The following SGIP1 variants were observed in gnomAD, a reference collection of about 807,000 sequenced individuals.
SGIP1 encodes the protein SH3-containing GRB2-like protein 3-interacting protein 1.
Under a neutral mutation model 107.5 loss-of-function variants are expected in SGIP1, and 38 were observed. The observed-to-expected ratio is 0.35, with a 90% confidence interval of 0.27 to 0.46. SGIP1 has a LOEUF of 0.46. Ranked by LOEUF, SGIP1 falls within the 20% of genes least tolerant of loss-of-function variation. The pLI is 1.00. For synonymous variants in SGIP1, 365 were observed against 366.1 expected (o/e 1.00, Z 0.03); for missense variants, 929 against 1,019.5 (o/e 0.91, Z 1.21).
intron 1 of SGIP1, among the ~76,000 whole-genome samples, chr1:66,557,011 A>G (rs960883581): frequency 1.3e-5 from 2 of 152,098 alleles, no homozygotes; most frequent in East Asian, 1.9e-4. Flanking sequence ...TTGTATTTGT[A>G]CAATGCGCTT....
At chr1:66,560,335 A>G (rs1163711153) in intron 1 of SGIP1, among the ~76,000 whole-genome samples, 1 of 152,018 alleles carries the variant, frequency 6.6e-6, no homozygotes, top group Non-Finnish European at 1.5e-5. Context: ...TTTCAGGCCC[A>G]CCCTCATTAG....
chr1:66,709,403 T>C (rs2150327299), intron 18 of SGIP1, among the ~76,000 whole-genome samples: 1 of 152,196 alleles, frequency 6.6e-6, no homozygotes, highest in African/African-American at 2.4e-5. Context: ...GTCAAGTGAA[T>C]CTAGATTTGA....
chr1:66,699,718 A>G (rs987410152), intron 18 of SGIP1, among the ~76,000 whole-genome samples: 8 of 152,198 alleles, frequency 5.3e-5, no homozygotes, highest in African/African-American at 4.8e-5. Flanking sequence ...GGCACTCCTT[A>G]CTAGTGAACA....
At chr1:66,695,297 T>A (rs2090681957) in intron 17 of SGIP1, 137 bp from the exon 18 acceptor site, 1 of 1,427,334 alleles carries the variant, frequency 7.0e-7, no homozygotes, top group Non-Finnish European at 9.2e-7. Flanking sequence ...CTTCCCTTTT[T>A]CCTGCACGCT....
chr1:66,603,241 G>T (rs374533338), intron 1 of SGIP1, among the ~76,000 whole-genome samples: 1 of 152,086 alleles, frequency 6.6e-6, no homozygotes, highest in African/African-American at 2.4e-5. Context: ...ACTTATTTCA[G>T]TTCTTTCATG....
At chr1:66,547,903 C>A (rs962722228) in intron 1 of SGIP1, among the ~76,000 whole-genome samples, 1 of 152,058 alleles carries the variant, frequency 6.6e-6, no homozygotes, top group African/African-American at 2.4e-5. Context: ...TACCTTGTGA[C>A]CCATGAAGCT....
rs150567462 is a variant in SGIP1 at position 66,695,450 on chromosome 1, C to T, written c.1587C>T (p.Ser529=). 40 of 1,613,914 alleles carry T rather than the reference C, an allele frequency of 2.5e-5. No individual in the cohort carries two copies. The highest frequency in any genetic ancestry group is 3.2e-5 in the Non-Finnish European group (38 of 1,180,000). ...GCCATACAGAGAATGAACAGCCTTC[C>T]CTCGTTTGGTTTGACAGAGGAAAGT... is the stretch of plus-strand genomic sequence containing the variant. ...TTPTVENEQP[S]LVWFDRGKFY... is the part of the protein sequence containing the mutation. Residue 529 remains serine, a synonymous_variant, in exon 18 of 25, where the codon TCC becomes TCT. Transcript: ENST00000371037.
At chr1:66,740,575 A>T in intron 22 of SGIP1, 83 bp from the exon 23 acceptor site, 3 of 828,560 alleles carry the variant, frequency 3.6e-6, no homozygotes, top group East Asian at 5.2e-5. Flanking sequence ...TTAAAAAATT[A>T]ATACTATCTG....
chr1:66,673,517 C>A (rs2084386999), intron 12 of SGIP1, 151 bp downstream of exon 12: 1 of 671,016 alleles, frequency 1.5e-6, no homozygotes, highest in Admixed American at 3.7e-5. Flanking sequence ...CTGTCAAGAA[C>A]AGAAGTTTAG....
intron 1 of SGIP1, among the ~76,000 whole-genome samples, chr1:66,572,821 G>A (rs981143326): frequency 7.9e-5 from 12 of 152,026 alleles, no homozygotes; most frequent in Non-Finnish European, 1.2e-4. Flanking sequence ...ATCAACTAAT[G>A]AAGGACAACT....
intron 1 of SGIP1, among the ~76,000 whole-genome samples, chr1:66,621,486 G>A (rs1161612789): frequency 6.6e-6 from 1 of 152,116 alleles, no homozygotes; most frequent in Non-Finnish European, 1.5e-5. Flanking sequence ...ATTTTAGAGT[G>A]TAAAACTCAG....
chr1:66,662,010 C>G (rs1226301798), intron 8 of SGIP1, among the ~76,000 whole-genome samples: 1 of 152,122 alleles, frequency 6.6e-6, no homozygotes, highest in Non-Finnish European at 1.5e-5. Flanking sequence ...TCAAATATGT[C>G]TGATTGAATA....
At chr1:66,535,536 C>T (rs1300013037) in intron 1 of SGIP1, among the ~76,000 whole-genome samples, 1 of 152,176 alleles carries the variant, frequency 6.6e-6, no homozygotes, top group Admixed American at 6.5e-5. Context: ...TCTTTTTGCT[C>T]TCCCTGTCAT....
intron 7 of SGIP1, among the ~76,000 whole-genome samples, chr1:66,653,778 A>G (rs2079179629): frequency 6.6e-6 from 1 of 152,216 alleles, no homozygotes; most frequent in African/African-American, 2.4e-5. Context: ...AATTGCAATC[A>G]AAAAACGCTA....
upstream of SGIP1, chr1:66,534,063 T>A (rs1003834682): frequency 2.0e-6 from 1 of 508,576 alleles, no homozygotes; most frequent in Admixed American, 3.5e-5. Flanking sequence ...CTGGCTACCA[T>A]GTGACGCGGT....
intron 18 of SGIP1, among the ~76,000 whole-genome samples, chr1:66,713,148 A>G (rs2093025175): frequency 6.6e-6 from 1 of 152,120 alleles, no homozygotes; most frequent in African/African-American, 2.4e-5. Context: ...CCAGGTGACA[A>G]TGGCAAGGCT....
At chr1:66,664,302 T>A (rs1292818864) in intron 8 of SGIP1, among the ~76,000 whole-genome samples, 1 of 152,122 alleles carries the variant, frequency 6.6e-6, no homozygotes, top group African/African-American at 2.4e-5. Context: ...GAAAGGTGGA[T>A]TCAATAGGTA....
chr1:66,712,786 C>T (rs1163920808), intron 18 of SGIP1, among the ~76,000 whole-genome samples: 2 of 152,156 alleles, frequency 1.3e-5, no homozygotes, highest in African/African-American at 4.8e-5. Flanking sequence ...AGGCTGTCTA[C>T]ATGTGTACAT....
intron 1 of SGIP1, among the ~76,000 whole-genome samples, chr1:66,564,495 G>T (rs146060488): frequency 6.6e-6 from 1 of 151,966 alleles, no homozygotes; most frequent in African/African-American, 2.4e-5. Context: ...ATAAACAAAT[G>T]TACACAAGCA....
Sources: gnomAD v4.1 joint callset for allele counts (sites outside exome capture counted in the v4.1 genomes callset) on GRCh38, gnomAD v4.1.1 for gene constraint, MANE v1.5 for transcripts, NCBI Gene and HGNC (gene_info 2026-07-23, HGNC 2026-07-21) for gene names.